Variants in TRIO observed in about 807,000 individuals in gnomAD.
The protein encoded by TRIO is trio Rho guanine nucleotide exchange factor, also known as triple functional domain protein.
TRIO carries 58 observed loss-of-function variants against 351.9 expected under a neutral mutation model. The ratio of observed to expected loss-of-function variants is 0.16; its 90% CI spans 0.13 to 0.21. TRIO has a LOEUF of 0.21. TRIO is among the 10% of genes least tolerant of loss of function. The pLI is 1.00. For missense variants in TRIO, 3,201 were observed against 4,027.8 expected (o/e 0.79, Z 5.56); for synonymous variants, 1,758 against 1,595.7 (o/e 1.10, Z -2.42).
At chr5:14,408,909 A>G (rs991695173) in intron 33 of TRIO, among the ~76,000 whole-genome samples, 3 of 152,246 alleles carry the variant, frequency 2.0e-5, no homozygotes, top group Middle Eastern at 3.4e-3. Context: ...TGAAATTGCT[A>G]AAGAGCTAAG....
At chr5:14,379,872 T>C (rs1021029231) in intron 20 of TRIO, among the ~76,000 whole-genome samples, 1 of 152,206 alleles carries the variant, frequency 6.6e-6, no homozygotes, top group African/African-American at 2.4e-5. Flanking sequence ...ACTGTCACAA[T>C]ATGCAGCACA....
intron 1 of TRIO, among the ~76,000 whole-genome samples, chr5:14,185,078 A>G (rs915874529): frequency 6.6e-6 from 1 of 152,064 alleles, no homozygotes; most frequent in Non-Finnish European, 1.5e-5. Flanking sequence ...TCTCAAAGGC[A>G]TTTTAGTTAT....
chr5:14,357,994 C>A (rs1743786438), intron 11 of TRIO, among the ~76,000 whole-genome samples, 184 bp from the exon 12 acceptor site: 1 of 152,312 alleles, frequency 6.6e-6, no homozygotes, highest in East Asian at 1.9e-4. Flanking sequence ...ATGTGTTCCG[C>A]TGGCAGTGGG....
At chr5:14,290,659 T>C in intron 4 of TRIO, 57 bp from the exon 5 acceptor site, 2 of 1,512,804 alleles carry the variant, frequency 1.3e-6, no homozygotes, top group East Asian at 2.3e-5. Context: ...AATTGCATTA[T>C]GTTAAAACTA....
At chr5:14,294,192 A>G (rs1267026387) in intron 6 of TRIO, among the ~76,000 whole-genome samples, 2 of 152,194 alleles carry the variant, frequency 1.3e-5, no homozygotes, top group Admixed American at 6.5e-5. Context: ...TCTCAAAAAC[A>G]AAAATACAAA....
rs187891573 is a variant in TRIO at position 14,391,004 on chromosome 5, T to G, written c.4218+14T>G. 1.5e-4 allele frequency: 236 copies of G among 1,575,378 alleles called. 1 individual carries two copies. Among genetic ancestry groups the G allele is most frequent in the Middle Eastern group, 8.4e-4 (5 of 5,938 alleles). On this transcript the variant is annotated intron_variant, in intron 27 of 56. Transcript: ENST00000344204. The stretch of plus-strand genomic sequence containing the variant: ...TCCTATTTTGACGTAAGTAATAGAT[T>G]CCTAAAGAGACCATAATTTTCCAAG...
At chr5:14,476,818 G>C in intron 40 of TRIO, 76 bp from the exon 41 acceptor site, 3 of 1,246,380 alleles carry the variant, frequency 2.4e-6, no homozygotes, top group Non-Finnish European at 3.3e-6. Flanking sequence ...AAAAGAAAAA[G>C]AAAAAATGTA....
At chr5:14,145,613 C>T (rs1318547066) in intron 1 of TRIO, among the ~76,000 whole-genome samples, 9 of 152,030 alleles carry the variant, frequency 5.9e-5, no homozygotes, top group African/African-American at 2.2e-4. Flanking sequence ...AGCTTTCTCT[C>T]TACCTACCTG....
chr5:14,349,514 A>T (rs776436180), intron 11 of TRIO, among the ~76,000 whole-genome samples: 3 of 152,152 alleles, frequency 2.0e-5, no homozygotes, highest in Non-Finnish European at 4.4e-5. Context: ...GCAGGGCCCA[A>T]GGTTAAGCTG....
intron 13 of TRIO, among the ~76,000 whole-genome samples, chr5:14,363,182 T>G (rs1744305273): frequency 6.6e-6 from 1 of 151,992 alleles, no homozygotes; most frequent in Non-Finnish European, 1.5e-5. Context: ...TATTTTTTGG[T>G]AGAGATGGGG....
At position 14,492,624 on chromosome 5, in the gene TRIO, G is replaced by C; in HGVS notation, c.7690G>C (p.Ala2564Pro). The C allele has an allele frequency of 6.2e-7, 1 of 1,614,182 alleles. No individual in the cohort carries two copies. The highest frequency in any genetic ancestry group is 8.5e-7 in the Non-Finnish European group (1 of 1,180,040). ...CATGTTGGTGACACACGATTACACG[G>C]CAGTGAAGGAGGATGAGATCAACGT... is the stretch of plus-strand genomic sequence containing the variant. ...STMLVTHDYT[A>P]VKEDEINVYQ... Residue 2564 changes from alanine (A) to proline (P), a missense_variant, in exon 49 of 57, where the codon GCA (alanine) becomes CCA (proline). Coordinates refer to ENST00000344204, the MANE Select transcript of TRIO (RefSeq NM_007118.4).
intron 9 of TRIO, among the ~76,000 whole-genome samples, chr5:14,329,416 T>C (rs1468752838): frequency 6.6e-6 from 1 of 152,244 alleles, no homozygotes; most frequent in African/African-American, 2.4e-5. Context: ...AAAAGAGGCC[T>C]GAGAGAGCTT....
intron 42 of TRIO, 64 bp downstream of exon 42, chr5:14,479,414 T>C (rs1336962767): frequency 6.9e-6 from 10 of 1,446,276 alleles, no homozygotes; most frequent in Non-Finnish European, 8.6e-6. Flanking sequence ...TTTCTAAAAA[T>C]GAAAGTATCA....
intron 2 of TRIO, among the ~76,000 whole-genome samples, chr5:14,275,622 A>G (rs1479418204): frequency 6.6e-6 from 1 of 151,370 alleles, no homozygotes; most frequent in Non-Finnish European, 1.5e-5. Context: ...TTAAAATATG[A>G]GCAATTCTAT....
chr5:14,358,733 C>T (rs1253156453), intron 12 of TRIO, among the ~76,000 whole-genome samples: 1 of 152,180 alleles, frequency 6.6e-6, no homozygotes, highest in Non-Finnish European at 1.5e-5. Context: ...TCCCAACGTC[C>T]AGATTCAGTC....
chr5:14,255,240 T>G (rs1387583347), intron 1 of TRIO, among the ~76,000 whole-genome samples: 1 of 152,190 alleles, frequency 6.6e-6, no homozygotes, highest in Non-Finnish European at 1.5e-5. Context: ...ATTCATAAAC[T>G]TGGGAAAGTG....
At chr5:14,172,665 C>T (rs1024826146) in intron 1 of TRIO, among the ~76,000 whole-genome samples, 2 of 152,186 alleles carry the variant, frequency 1.3e-5, no homozygotes, top group African/African-American at 4.8e-5. Context: ...GTGGAGCCTT[C>T]GTGGCATCAC....
At chr5:14,412,884 T>C (rs561805846) in intron 33 of TRIO, among the ~76,000 whole-genome samples, 26 of 152,366 alleles carry the variant, frequency 1.7e-4, no homozygotes, top group South Asian at 8.3e-4. Context: ...ACCTCTGGCC[T>C]CTGCCTCAGC....
intron 33 of TRIO, among the ~76,000 whole-genome samples, chr5:14,417,908 A>G (rs2152388065): frequency 6.6e-6 from 1 of 152,346 alleles, no homozygotes; most frequent in Non-Finnish European, 1.5e-5. Context: ...CCCACTCCTA[A>G]CAGCTTCTGT....
Sources: allele counts gnomAD v4.1 joint callset (sites outside exome capture counted in the v4.1 genomes callset), GRCh38; gene constraint gnomAD v4.1.1; transcripts MANE v1.5; gene names NCBI Gene and HGNC (gene_info 2026-07-23, HGNC 2026-07-21).